The following NCOA2 variants were observed in gnomAD, a reference collection of about 807,000 sequenced individuals.
The protein encoded by NCOA2 is nuclear receptor coactivator 2, also known as class E basic helix-loop-helix protein 75.
NCOA2 carries 21 observed loss-of-function variants against 145.1 expected under a neutral mutation model. That is an observed-to-expected ratio of 0.14 (90% CI 0.10 to 0.21). The LOEUF is 0.21. Among genes scored for constraint, NCOA2 ranks in the 10% least tolerant of loss-of-function variants. The pLI, the probability that NCOA2 is intolerant of heterozygous loss-of-function variation, is 1.00. For missense variants in NCOA2, 1,472 were observed against 1,837.6 expected, an observed-to-expected ratio of 0.80 and a Z score of 3.64; for synonymous variants, 619 against 637.5, an observed-to-expected ratio of 0.97 and a Z score of 0.44.
At chr8:70,303,121 A>G (rs1827631194) in intron 1 of NCOA2, among the ~76,000 whole-genome samples, 1 of 152,218 alleles carries the variant, frequency 6.6e-6, no homozygotes, top group South Asian at 2.1e-4. Context: ...AGTTGAATGT[A>G]CAAAGTTCAA....
intron 4 of NCOA2, among the ~76,000 whole-genome samples, chr8:70,175,412 C>G (rs2132770192): frequency 6.6e-6 from 1 of 152,334 alleles, no homozygotes; most frequent in African/African-American, 2.4e-5. Context: ...CTGACTTGTT[C>G]AAAGTGCTTC....
chr8:70,234,717 C>G (rs1194689884), intron 2 of NCOA2, among the ~76,000 whole-genome samples: 2 of 152,148 alleles, frequency 1.3e-5, no homozygotes, highest in Non-Finnish European at 2.9e-5. Flanking sequence ...ATTAGGTTCT[C>G]TGGTCAGTGA....
chr8:70,193,216 G>A (rs1199439321), intron 4 of NCOA2, among the ~76,000 whole-genome samples: 1 of 152,022 alleles, frequency 6.6e-6, no homozygotes, highest in African/African-American at 2.4e-5. Flanking sequence ...GCACCACATA[G>A]ATTAAGAACT....
intron 2 of NCOA2, among the ~76,000 whole-genome samples, chr8:70,263,439 G>T (rs1439359559): frequency 6.6e-6 from 1 of 151,922 alleles, no homozygotes; most frequent in Non-Finnish European, 1.5e-5. Flanking sequence ...TGACCAAACA[G>T]ATTACTCCGT....
chr8:70,421,880 A>T, the NCOA2 span, among the ~76,000 whole-genome samples: 2 of 152,144 alleles, frequency 1.3e-5, no homozygotes, highest in Non-Finnish European at 1.5e-5. Flanking sequence ...GGATCACCTG[A>T]GGCCAGGAGT....
chr8:70,116,980 C>T (rs1457733102), intron 22 of NCOA2, among the ~76,000 whole-genome samples: 1 of 152,250 alleles, frequency 6.6e-6, no homozygotes, highest in Non-Finnish European at 1.5e-5. Flanking sequence ...ACCTGAGTAG[C>T]TGTGACTACA....
chr8:70,410,082 T>C, the NCOA2 span, among the ~76,000 whole-genome samples: 1 of 151,758 alleles, frequency 6.6e-6, no homozygotes, highest in Admixed American at 6.6e-5. Context: ...TGGTGGAGCA[T>C]ACCTCTAATC....
chr8:70,344,978 A>T (rs1220280223), intron 1 of NCOA2, among the ~76,000 whole-genome samples: 1 of 152,220 alleles, frequency 6.6e-6, no homozygotes, highest in African/African-American at 2.4e-5. Context: ...AATGGCCAAG[A>T]TAATCTAAGA....
rs139454207 is a variant in NCOA2 at position 70,263,331 on chromosome 8, A to G, written c.-20+33413T>C. ...CAATGCCCAGAACCGTATGCAATTT[A>G]AAACTCATGGATTATTTCTGGAATA... On this transcript the variant is annotated intron_variant, in intron 2 of 22. Transcript: ENST00000452400. 8.6e-5 allele frequency among the ~76,000 whole-genome samples: 13 copies of G among 151,554 alleles called. No homozygotes were observed. In the East Asian group the frequency reaches 2.5e-3, roughly 29 times the overall value.
At chr8:70,372,794 A>G (rs919230865) in intron 1 of NCOA2, among the ~76,000 whole-genome samples, 5 of 152,134 alleles carry the variant, frequency 3.3e-5, no homozygotes, top group African/African-American at 1.2e-4. Flanking sequence ...ACCACATCCC[A>G]AGCAACCATT....
the NCOA2 span, among the ~76,000 whole-genome samples, chr8:70,427,701 A>T: frequency 1.3e-5 from 2 of 152,192 alleles, no homozygotes; most frequent in Non-Finnish European, 2.9e-5. Flanking sequence ...ATTTCTCTCA[A>T]CTTACTGGAG....
At chr8:70,278,694 C>G (rs563192764) in intron 2 of NCOA2, among the ~76,000 whole-genome samples, 1 of 152,166 alleles carries the variant, frequency 6.6e-6, no homozygotes, top group East Asian at 1.9e-4. Flanking sequence ...TGGCTTGGGA[C>G]GGTGGCTCAT....
chr8:70,278,918 G>C (rs551452335), intron 2 of NCOA2, among the ~76,000 whole-genome samples: 4 of 150,626 alleles, frequency 2.7e-5, no homozygotes, highest in African/African-American at 9.8e-5. Context: ...GTGAACCGAC[G>C]TTGTGCCACT....
chr8:70,284,618 G>C (rs142299667), intron 2 of NCOA2, among the ~76,000 whole-genome samples: 116 of 152,230 alleles, frequency 7.6e-4, no homozygotes, highest in African/African-American at 2.7e-3. Context: ...CAGATAATCT[G>C]TGGCTAACTT....
At chr8:70,384,131 A>G (rs531031394) in intron 1 of NCOA2, among the ~76,000 whole-genome samples, 1 of 152,336 alleles carries the variant, frequency 6.6e-6, no homozygotes, top group East Asian at 1.9e-4. Flanking sequence ...GAGAACTATT[A>G]CTGATGATTA....
At chr8:70,179,536 T>G (rs1462897167) in intron 4 of NCOA2, among the ~76,000 whole-genome samples, 1 of 152,212 alleles carries the variant, frequency 6.6e-6, no homozygotes, top group Non-Finnish European at 1.5e-5. Context: ...AGTATGCTAT[T>G]TTTATGTACC....
At chr8:70,219,496 G>A (rs117325608) in intron 2 of NCOA2, among the ~76,000 whole-genome samples, 3,616 of 152,260 alleles carry the variant, frequency 0.024, 61 homozygotes, top group Non-Finnish European at 0.036. Flanking sequence ...GGAAAGTGGG[G>A]TGGAGTCGGG....
At chr8:70,152,138 C>G (rs1811819028) in intron 11 of NCOA2, among the ~76,000 whole-genome samples, 1 of 152,138 alleles carries the variant, frequency 6.6e-6, no homozygotes, top group South Asian at 2.1e-4. Flanking sequence ...CTCAAATTAG[C>G]CACATCAATT....
intron 2 of NCOA2, among the ~76,000 whole-genome samples, chr8:70,284,327 G>T (rs1586366035): frequency 6.6e-6 from 1 of 152,284 alleles, no homozygotes; most frequent in East Asian, 1.9e-4. Flanking sequence ...TCTAAAAGGA[G>T]GCCTGACAGG....
Sources: allele counts gnomAD v4.1 joint callset (sites outside exome capture counted in the v4.1 genomes callset), GRCh38; gene constraint gnomAD v4.1.1; transcripts MANE v1.5; gene names NCBI Gene and HGNC (gene_info 2026-07-23, HGNC 2026-07-21).